Variants in RBFOX1 observed in about 807,000 individuals in gnomAD.
RBFOX1 encodes the protein RNA binding fox-1 homolog 1, also known as RNA binding protein fox-1 homolog 1.
A neutral mutation model predicts 57.7 loss-of-function variants in RBFOX1; 8 were observed. That is an observed-to-expected ratio of 0.14 (90% CI 0.08 to 0.25). The LOEUF (loss-of-function observed/expected upper bound fraction) is 0.25. Ranked by LOEUF, RBFOX1 falls within the 10% of genes least tolerant of loss-of-function variation. RBFOX1 has a pLI of 1.00. For synonymous variants in RBFOX1, 326 were observed against 222.4 expected (o/e 1.47, Z -4.15); for missense variants, 611 against 548.5 (o/e 1.11, Z -1.14).
At chr16:5,365,636 C>G (rs2065690985) in intron 1 of RBFOX1, among the ~76,000 whole-genome samples, 1 of 152,120 alleles carries the variant, frequency 6.6e-6, no homozygotes, top group African/African-American at 2.4e-5. Context: ...GCACTGTACT[C>G]CAGCCTGGGT....
At chr16:6,475,872 G>A (rs751678041) in intron 2 of RBFOX1, among the ~76,000 whole-genome samples, 6 of 152,126 alleles carry the variant, frequency 3.9e-5, no homozygotes, top group South Asian at 2.1e-4. Context: ...GATAATCTAC[G>A]TCGCATTTTA....
chr16:6,984,758 A>T (rs374180753), intron 3 of RBFOX1, among the ~76,000 whole-genome samples: 25 of 152,204 alleles, frequency 1.6e-4, no homozygotes, highest in African/African-American at 6.0e-4. Flanking sequence ...CTCCTGCCTC[A>T]GCCTCCTGAG....
chr16:6,482,387 T>C (rs2095385067), intron 2 of RBFOX1, among the ~76,000 whole-genome samples: 1 of 152,198 alleles, frequency 6.6e-6, no homozygotes, highest in African/African-American at 2.4e-5. Context: ...GCCAATTAAT[T>C]TTTTGGTCCC....
intron 3 of RBFOX1, among the ~76,000 whole-genome samples, chr16:6,669,106 T>C (rs1020868597): frequency 3.9e-5 from 6 of 152,216 alleles, no homozygotes; most frequent in East Asian, 1.9e-4. Flanking sequence ...CCCAGCACTT[T>C]TGCATGGTTC....
chr16:7,454,394 A>C (rs776607793), intron 4 of RBFOX1, among the ~76,000 whole-genome samples: 1 of 151,778 alleles, frequency 6.6e-6, no homozygotes, highest in Non-Finnish European at 1.5e-5. Context: ...TACCATATCA[A>C]AGGCAGATTG....
intron 1 of RBFOX1, among the ~76,000 whole-genome samples, chr16:6,248,482 G>A (rs1428720900): frequency 2.0e-5 from 3 of 152,168 alleles, no homozygotes; most frequent in Non-Finnish European, 4.4e-5. Context: ...TAAGAGCAAT[G>A]TGCGTAGAGT....
chr16:7,159,238 C>G (rs1175278633), intron 4 of RBFOX1, among the ~76,000 whole-genome samples: 4 of 151,992 alleles, frequency 2.6e-5, no homozygotes, highest in Admixed American at 2.6e-4. Flanking sequence ...TGGTGTCAAT[C>G]TACCACCCAA....
At chr16:6,676,867 G>A (rs569446288) in intron 3 of RBFOX1, among the ~76,000 whole-genome samples, 14 of 151,524 alleles carry the variant, frequency 9.2e-5, no homozygotes, top group Admixed American at 8.5e-4. Context: ...GTAGAGACGG[G>A]GTTTCACCAT....
At chr16:7,038,166 G>C (rs1051046397) in intron 3 of RBFOX1, among the ~76,000 whole-genome samples, 1 of 150,862 alleles carries the variant, frequency 6.6e-6, no homozygotes, top group African/African-American at 2.4e-5. Context: ...ATTCTACACA[G>C]AGTTTCCTGG....
At chr16:6,980,149 C>G (rs1453419539) in intron 3 of RBFOX1, among the ~76,000 whole-genome samples, 2 of 152,190 alleles carry the variant, frequency 1.3e-5, no homozygotes, top group Non-Finnish European at 2.9e-5. Flanking sequence ...CTTAATCCCT[C>G]TTCAATTAAG....
At chr16:5,490,851 A>G (rs1224585636) in intron 2 of RBFOX1, among the ~76,000 whole-genome samples, 1 of 152,154 alleles carries the variant, frequency 6.6e-6, no homozygotes, top group African/African-American at 2.4e-5. Flanking sequence ...CACTGAGTAC[A>G]ACGATTAATC....
At chr16:7,479,383 G>A (rs945546913) in intron 4 of RBFOX1, among the ~76,000 whole-genome samples, 5 of 152,172 alleles carry the variant, frequency 3.3e-5, no homozygotes, top group Admixed American at 6.5e-5. Flanking sequence ...CTCTGGCTTG[G>A]CCTCCCAAAG....
intron 3 of RBFOX1, among the ~76,000 whole-genome samples, chr16:6,922,321 G>T (rs915279760): frequency 1.3e-5 from 2 of 152,112 alleles, no homozygotes; most frequent in Non-Finnish European, 2.9e-5. Flanking sequence ...AGTTCCGAGT[G>T]TCCGGTGGTA....
intron 3 of RBFOX1, among the ~76,000 whole-genome samples, chr16:5,801,631 C>A (rs1050968750): frequency 3.3e-5 from 5 of 152,102 alleles, no homozygotes; most frequent in African/African-American, 1.2e-4. Flanking sequence ...CAAAAAAATA[C>A]CAATGTGATC....
intron 4 of RBFOX1, among the ~76,000 whole-genome samples, chr16:7,216,630 C>T (rs1271698585): frequency 1.3e-5 from 2 of 151,828 alleles, no homozygotes; most frequent in Non-Finnish European, 2.9e-5. Context: ...TGTACTCCAG[C>T]CTGGGCAACA....
chr16:6,661,067 TC>T (rs1210247599), intron 3 of RBFOX1, among the ~76,000 whole-genome samples: 1 of 152,204 alleles, frequency 6.6e-6, no homozygotes, highest in Admixed American at 6.5e-5. Flanking sequence ...TACCTTCATA[TC>T]TTGGGAGCTG....
At chr16:6,353,996 G>T (rs1568001227) in intron 2 of RBFOX1, among the ~76,000 whole-genome samples, 1 of 152,092 alleles carries the variant, frequency 6.6e-6, no homozygotes, top group African/African-American at 2.4e-5. Context: ...AAGGCCGGTG[G>T]ATCACCTGAG....
chr16:5,711,675 G>A (rs910630027), intron 3 of RBFOX1, among the ~76,000 whole-genome samples: 2 of 152,194 alleles, frequency 1.3e-5, no homozygotes, highest in African/African-American at 2.4e-5. Flanking sequence ...GGCCTTGCAT[G>A]CCTTATTAAG....
chr16:6,939,648 A>G (rs894005204), intron 3 of RBFOX1, among the ~76,000 whole-genome samples: 7 of 151,834 alleles, frequency 4.6e-5, no homozygotes, highest in African/African-American at 1.5e-4. Flanking sequence ...AGTAGCTGCG[A>G]TTACAGCCGT....
Sources: allele counts gnomAD v4.1 joint callset (sites outside exome capture counted in the v4.1 genomes callset), GRCh38; gene constraint gnomAD v4.1.1; transcripts MANE v1.5; gene names NCBI Gene and HGNC (gene_info 2026-07-23, HGNC 2026-07-21).